Variants in RELN observed in about 807,000 individuals in gnomAD.
RELN encodes reelin.
RELN carries 108 observed loss-of-function variants against 427.6 expected under a neutral mutation model. The observed-to-expected ratio is 0.25, with a 90% CI of 0.22 to 0.30. The LOEUF is 0.30. Ranked by LOEUF, RELN falls within the 10% of genes least tolerant of loss-of-function variation. RELN has a pLI of 1.00. For missense variants in RELN, 3,715 were observed against 4,302.8 expected (o/e 0.86, Z 3.82); for synonymous variants, 1,524 against 1,513.4 (o/e 1.01, Z -0.16).
intron 2 of RELN, among the ~76,000 whole-genome samples, chr7:103,851,639 C>T (rs1793824460): frequency 6.6e-6 from 1 of 152,154 alleles, no homozygotes; most frequent in African/African-American, 2.4e-5. Context: ...CCTCAATTAC[C>T]TTCACCAGCC....
chr7:103,893,984 A>C (rs1794906007), intron 2 of RELN, among the ~76,000 whole-genome samples: 1 of 152,176 alleles, frequency 6.6e-6, no homozygotes, highest in African/African-American at 2.4e-5. Flanking sequence ...GGCATAGCCG[A>C]ACGCTGAATA....
At chr7:103,862,591 C>A (rs1433353345) in intron 2 of RELN, among the ~76,000 whole-genome samples, 1 of 152,008 alleles carries the variant, frequency 6.6e-6, no homozygotes, top group Non-Finnish European at 1.5e-5. Context: ...AGTGTTTTCA[C>A]CTTTCAGGTT....
At chr7:103,499,515 C>T (rs1470166769) in intron 53 of RELN, among the ~76,000 whole-genome samples, 1 of 152,106 alleles carries the variant, frequency 6.6e-6, no homozygotes, top group Non-Finnish European at 1.5e-5. Context: ...TAACTGTATA[C>T]AGAAAAACCT....
chr7:103,717,491 A>AAT lies in RELN; in HGVS notation c.805+5648_805+5649insAT, dbSNP rs1554406291. On this transcript the variant is annotated intron_variant, in intron 8 of 64. Coordinates refer to ENST00000428762, the MANE Select transcript of RELN (RefSeq NM_005045.4). ...TTCCATATATAAAACAAAAAAAAAA[A>AAT]TTTGTTTTAATATAGATATTTGAAG... 7.9e-4 allele frequency among the ~76,000 whole-genome samples: 119 copies of AAT among 150,702 alleles called. No homozygotes were observed. The South Asian group carries it at 0.012, about 15-fold the overall frequency.
intron 28 of RELN, among the ~76,000 whole-genome samples, chr7:103,586,672 A>T (rs1831280683): frequency 1.3e-5 from 2 of 152,234 alleles, no homozygotes; most frequent in Admixed American, 1.3e-4. Context: ...GACTTGAAAA[A>T]TGACTTCAGT....
At chr7:103,596,835 A>G (rs1831549155) in intron 24 of RELN, among the ~76,000 whole-genome samples, 174 bp from the exon 25 acceptor site, 1 of 152,192 alleles carries the variant, frequency 6.6e-6, no homozygotes, top group African/African-American at 2.4e-5. Context: ...CGACTACGGT[A>G]ACTGTTGCTG....
At chr7:103,783,542 G>T (rs1791946189) in intron 3 of RELN, among the ~76,000 whole-genome samples, 1 of 151,786 alleles carries the variant, frequency 6.6e-6, no homozygotes, top group Admixed American at 6.6e-5. Flanking sequence ...TTTTTTTTCT[G>T]TCAAATGTAT....
intron 20 of RELN, among the ~76,000 whole-genome samples, chr7:103,613,723 C>T (rs1832017509): frequency 6.6e-6 from 1 of 152,204 alleles, no homozygotes; most frequent in Non-Finnish European, 1.5e-5. Flanking sequence ...ACACCAGTCT[C>T]CTGGGCATCA....
chr7:103,530,396 C>G (rs894049355), intron 46 of RELN, among the ~76,000 whole-genome samples: 2 of 152,196 alleles, frequency 1.3e-5, no homozygotes, highest in Non-Finnish European at 2.9e-5. Flanking sequence ...GCCTCATTCC[C>G]TCAGCTGTAG....
At chr7:103,741,650 T>G (rs1197531816) in intron 6 of RELN, among the ~76,000 whole-genome samples, 4 of 103,104 alleles carry the variant, frequency 3.9e-5, no homozygotes, top group African/African-American at 1.3e-4. Context: ...GAGGAAGAGA[T>G]GAAAGCAAGA....
At position 103,573,156 on chromosome 7, in the gene RELN, G is replaced by A. The variant is rs928771472; in HGVS notation, c.4512-896C>T. ...GTTTTGCCATGTTGGCCAGGAGCTG[G>A]TCTTGAATTCCTGACCTCAAGTGAT... On this transcript the variant is annotated intron_variant, in intron 30 of 64. Coordinates refer to ENST00000428762, the MANE Select transcript of RELN (RefSeq NM_005045.4). This position sits in a 1 kb window ranked among gnomAD's most constrained non-coding sequence, Gnocchi z 4.4. 2.6e-5 allele frequency among the ~76,000 whole-genome samples: 4 copies of A among 152,168 alleles called. No individual in the cohort carries two copies. The highest frequency in any genetic ancestry group is 9.7e-5 in the African/African-American group (4 of 41,422).
Position 103,953,743 on chromosome 7 carries a change from G to C in RELN, c.226+35388C>G, listed in dbSNP as rs1320674093. 1.3e-5 allele frequency among the ~76,000 whole-genome samples: 2 copies of C among 152,008 alleles called. No homozygotes were observed. Among genetic ancestry groups the C allele is most frequent in the African/African-American group, 4.8e-5 (2 of 41,390 alleles). ...AGGTCAGGAGTTTGAGACCAGCCTT[G>C]CCAACATGGTGAAACCCCATCTCTT... On this transcript the variant is annotated intron_variant, in intron 1 of 64. Transcript: ENST00000428762. This position sits in a 1 kb window ranked among gnomAD's most constrained non-coding sequence, Gnocchi z 4.3.
chr7:103,980,616 C>A (rs1796970996), intron 1 of RELN, among the ~76,000 whole-genome samples: 1 of 152,164 alleles, frequency 6.6e-6, no homozygotes, highest in Non-Finnish European at 1.5e-5. Flanking sequence ...AAACACTAAC[C>A]TCTCTGTGAC....
intron 46 of RELN, among the ~76,000 whole-genome samples, chr7:103,534,839 G>A (rs1830015075): frequency 6.6e-6 from 1 of 152,100 alleles, no homozygotes; most frequent in Non-Finnish European, 1.5e-5. Context: ...TCAAGATAAT[G>A]TCCATAATAA....
rs61174372 is a variant in RELN, at chr7:103,768,734, G to C, written c.544+7823C>G. 1.1e-4 allele frequency among the ~76,000 whole-genome samples: 17 copies of C among 152,312 alleles called. No individual in the cohort carries two copies. The East Asian group carries it at 2.5e-3, about 23-fold the overall frequency. ...AAAAGCGCTCAGTTGGGGGAAATGAGTGTTTAAATAATCATGACACAACAG... is the reference window on the plus strand; with the variant it reads ...AAAAGCGCTCAGTTGGGGGAAATGACTGTTTAAATAATCATGACACAACAG... On this transcript the variant is annotated intron_variant, in intron 4 of 64. Coordinates refer to ENST00000428762, the MANE Select transcript of RELN (RefSeq NM_005045.4).
intron 2 of RELN, among the ~76,000 whole-genome samples, chr7:103,857,344 A>T (rs1308409123): frequency 6.6e-6 from 1 of 152,230 alleles, no homozygotes. Context: ...TTGCAATCAC[A>T]TTCCTTGAAA....
Position 103,557,045 on chromosome 7 carries a change from T to C in RELN, c.5729A>G (p.Asn1910Ser), listed in dbSNP as rs769629779. ...FPQTTNILFI[N>S]VPLPYTAQTN... ...TTGGGCAGTGTATGGCAAGGGAACATTGATGAAAAGTATATTCGTTGTTTG... is the reference window on the plus strand; with the variant it reads ...TTGGGCAGTGTATGGCAAGGGAACACTGATGAAAAGTATATTCGTTGTTTG... Residue 1910 changes from asparagine to serine, a missense_variant, in exon 38 of 65, where the codon AAT becomes AGT. This residue lies in a region of RELN where 2,208 missense variants were observed against 2,361.7 expected (regional missense o/e 0.93). Coordinates refer to ENST00000428762, the MANE Select transcript of RELN (RefSeq NM_005045.4). 1.3e-5 allele frequency: 21 copies of C among 1,613,710 alleles called. No individual in the cohort carries two copies. The highest frequency in any genetic ancestry group is 1.7e-5 in the Non-Finnish European group (20 of 1,179,706).
At chr7:103,740,137 CA>C (rs201437906) in intron 6 of RELN, among the ~76,000 whole-genome samples, 23 of 149,392 alleles carry the variant, frequency 1.5e-4, no homozygotes, top group East Asian at 3.9e-4. Flanking sequence ...CAAAAACAAA[CA>C]AAAAAAAATA....
At chr7:103,675,328 A>C (rs1476341910) in intron 11 of RELN, among the ~76,000 whole-genome samples, 1 of 152,322 alleles carries the variant, frequency 6.6e-6, no homozygotes, top group East Asian at 1.9e-4. Flanking sequence ...TCCAACTTAC[A>C]AGGGATGTGA....
Sources: allele counts gnomAD v4.1 joint callset (sites outside exome capture counted in the v4.1 genomes callset), GRCh38; gene constraint gnomAD v4.1.1; regional missense constraint gnomAD v4.1.1; non-coding constraint Gnocchi (gnomAD v3.1); transcripts MANE v1.5; gene names NCBI Gene and HGNC (gene_info 2026-07-23, HGNC 2026-07-21).